The following MICU1 variants were observed in gnomAD, a reference collection of about 807,000 sequenced individuals.
MICU1 encodes the protein calcium uptake protein 1, mitochondrial.
Under a neutral mutation model 56.8 loss-of-function variants are expected in MICU1, and 45 were observed. The observed-to-expected ratio is 0.79, with a 90% CI of 0.62 to 1.02. The LOEUF is 1.02. Among genes scored for constraint, MICU1 ranks in the 50% least tolerant of loss-of-function variants. The pLI is 0.00. For missense variants in MICU1, 504 were observed against 587.1 expected, an observed-to-expected ratio of 0.86 and a Z score of 1.46; for synonymous variants, 186 against 195.1, an observed-to-expected ratio of 0.95 and a Z score of 0.39.
At chr10:72,559,228 T>C (rs946432779) in intron 3 of MICU1, among the ~76,000 whole-genome samples, 1 of 152,026 alleles carries the variant, frequency 6.6e-6, no homozygotes, top group African/African-American at 2.4e-5. Context: ...AAAGCAAATT[T>C]AGGATACCAG....
At chr10:72,472,795 T>G (rs1865990073) in intron 8 of MICU1, among the ~76,000 whole-genome samples, 1 of 152,176 alleles carries the variant, frequency 6.6e-6, no homozygotes, top group Non-Finnish European at 1.5e-5. Context: ...ATGGCATATT[T>G]CTGGTCACAA....
chr10:72,538,734 A>G (rs1270513680), intron 4 of MICU1, among the ~76,000 whole-genome samples: 1 of 152,036 alleles, frequency 6.6e-6, no homozygotes, highest in Non-Finnish European at 1.5e-5. Context: ...GGCTATAATA[A>G]AGTCCTTACA....
At chr10:72,378,676 C>A (rs1054937167) in intron 10 of MICU1, among the ~76,000 whole-genome samples, 18 of 152,166 alleles carry the variant, frequency 1.2e-4, no homozygotes, top group African/African-American at 4.1e-4. Flanking sequence ...AACACTGGAG[C>A]AATGCAGAGG....
At chr10:72,442,038 C>T (rs1438057517) in intron 8 of MICU1, among the ~76,000 whole-genome samples, 7 of 152,288 alleles carry the variant, frequency 4.6e-5, no homozygotes, top group South Asian at 2.1e-4. Context: ...ATTAGAATAT[C>T]GAAACCTGTC....
chr10:72,448,506 A>C (rs947999810), intron 8 of MICU1, among the ~76,000 whole-genome samples: 1 of 152,060 alleles, frequency 6.6e-6, no homozygotes, highest in Non-Finnish European at 1.5e-5. Flanking sequence ...TAAACATTAC[A>C]TTGGAAAGTG....
intron 10 of MICU1, among the ~76,000 whole-genome samples, chr10:72,405,867 AAATCT>A (rs1863612784): frequency 6.6e-6 from 1 of 152,132 alleles, no homozygotes; most frequent in Non-Finnish European, 1.5e-5. Context: ...CAACTATGAA[AAATCT>A]AATCTAATAT....
At chr10:72,406,440 A>T (rs961137594) in intron 10 of MICU1, among the ~76,000 whole-genome samples, 6 of 152,172 alleles carry the variant, frequency 3.9e-5, no homozygotes, top group Non-Finnish European at 8.8e-5. Flanking sequence ...TACTGTAATC[A>T]CAATTCCACT....
chr10:72,524,439 G>A (rs1454007213), intron 5 of MICU1, among the ~76,000 whole-genome samples: 1 of 152,056 alleles, frequency 6.6e-6, no homozygotes, highest in Non-Finnish European at 1.5e-5. Flanking sequence ...AATTAATTAA[G>A]TATCTCTTAT....
chr10:72,478,294 A>G (rs1359973626), intron 6 of MICU1, among the ~76,000 whole-genome samples: 1 of 152,352 alleles, frequency 6.6e-6, no homozygotes, highest in South Asian at 2.1e-4. Flanking sequence ...CTTTCCCTTA[A>G]TGATGAAAGC....
At chr10:72,504,895 T>C (rs554610838) in intron 6 of MICU1, among the ~76,000 whole-genome samples, 1 of 152,212 alleles carries the variant, frequency 6.6e-6, no homozygotes, top group East Asian at 1.9e-4. Context: ...TCACTAATCA[T>C]CAGAGAAATG....
intron 1 of MICU1, among the ~76,000 whole-genome samples, chr10:72,613,214 T>G (rs2132573145): frequency 6.6e-6 from 1 of 152,152 alleles, no homozygotes; most frequent in Non-Finnish European, 1.5e-5. Context: ...ATTTTTTATG[T>G]TGAATCATTT....
chr10:72,386,455 T>C (rs752814029), intron 10 of MICU1, among the ~76,000 whole-genome samples: 12 of 152,148 alleles, frequency 7.9e-5, no homozygotes, highest in Non-Finnish European at 1.5e-4. Context: ...GTGCTGGGAT[T>C]ACAGGCGTGA....
At chr10:72,562,724 T>C in intron 3 of MICU1, 171 bp downstream of exon 3, 2 of 523,830 alleles carry the variant, frequency 3.8e-6, no homozygotes, top group Admixed American at 8.3e-5. Context: ...CTACCTCCTT[T>C]AACCTCACAT....
intron 8 of MICU1, among the ~76,000 whole-genome samples, chr10:72,449,969 G>C (rs931320467): frequency 6.6e-6 from 1 of 152,058 alleles, no homozygotes; most frequent in Non-Finnish European, 1.5e-5. Context: ...TGTGTACTTT[G>C]CCAGGCTTTC....
At chr10:72,426,896 A>G (rs151112696) in intron 8 of MICU1, among the ~76,000 whole-genome samples, 28 of 152,348 alleles carry the variant, frequency 1.8e-4, no homozygotes, top group African/African-American at 6.7e-4. Flanking sequence ...GAGGAAAGAC[A>G]CAGGTTATTA....
chr10:72,530,381 A>G (rs1303929832), intron 5 of MICU1, among the ~76,000 whole-genome samples: 1 of 144,666 alleles, frequency 6.9e-6, no homozygotes, highest in Non-Finnish European at 1.5e-5. Context: ...TAATGCCAGA[A>G]TATATTTTGT....
At chr10:72,426,124 T>A (rs1864338953) in intron 8 of MICU1, among the ~76,000 whole-genome samples, 1 of 152,060 alleles carries the variant, frequency 6.6e-6, no homozygotes, top group Non-Finnish European at 1.5e-5. Flanking sequence ...TTCAAGTGAT[T>A]CTCCTGCCTC....
chr10:72,441,888 GA>G lies in MICU1; in HGVS notation c.934-18518del, dbSNP rs201633795. Among the ~76,000 whole-genome samples, 69 of 152,100 alleles carry G rather than the reference GA, an allele frequency of 4.5e-4. No individual in the cohort carries two copies. The East Asian group carries it at 0.013, about 29-fold the overall frequency. Reference sequence around the variant, plus strand: ...CCACCCTGGCCTCCCAGAATGCTAGGATTATAGGCGTGAGCCACCACACCCG... The same window carrying G: ...CCACCCTGGCCTCCCAGAATGCTAGGTTATAGGCGTGAGCCACCACACCCG... On this transcript the variant is annotated intron_variant, in intron 8 of 11. Transcript: ENST00000361114.
intron 8 of MICU1, among the ~76,000 whole-genome samples, chr10:72,462,996 A>C (rs375954882): frequency 3.3e-5 from 5 of 152,220 alleles, no homozygotes; most frequent in Non-Finnish European, 7.3e-5. Flanking sequence ...CATCACTAAC[A>C]TATCATTGAC....
Sources: gnomAD v4.1 joint callset for allele counts (sites outside exome capture counted in the v4.1 genomes callset) on GRCh38, gnomAD v4.1.1 for gene constraint, MANE v1.5 for transcripts, NCBI Gene and HGNC (gene_info 2026-07-23, HGNC 2026-07-21) for gene names.